VSNL1: variants seen among roughly 807,000 people sequenced by gnomAD.
VSNL1 encodes visinin-like protein 1.
VSNL1 carries 6 observed loss-of-function variants against 20.4 expected under a neutral mutation model. That is an observed-to-expected ratio of 0.29 (90% CI 0.16 to 0.58). The LOEUF is 0.58. Ranked by LOEUF, VSNL1 falls within the 20% of genes least tolerant of loss-of-function variation. VSNL1 has a pLI of 0.90. For synonymous variants in VSNL1, 93 were observed against 86.4 expected (o/e 1.08, Z -0.42); for missense variants, 100 against 234.5 (o/e 0.43, Z 3.75).
At chr2:17,636,037 C>T (rs552005369) in intron 2 of VSNL1, among the ~76,000 whole-genome samples, 5 of 145,828 alleles carry the variant, frequency 3.4e-5, no homozygotes, top group African/African-American at 7.6e-5. Context: ...GGGGTGGGGG[C>T]GGGTGTCAGG....
At chr2:17,559,532 A>G (rs1270442362) in intron 1 of VSNL1, among the ~76,000 whole-genome samples, 1 of 152,082 alleles carries the variant, frequency 6.6e-6, no homozygotes, top group Non-Finnish European at 1.5e-5. Flanking sequence ...CTTCGCTTCT[A>G]GCTTTTCATC....
chr2:17,639,447 A>G (rs1036636469), intron 2 of VSNL1, among the ~76,000 whole-genome samples: 4 of 152,144 alleles, frequency 2.6e-5, no homozygotes, highest in African/African-American at 9.7e-5. Flanking sequence ...GCCTTTCTGC[A>G]TCTCTCTGAG....
At chr2:17,574,416 C>T (rs1341025302) in intron 1 of VSNL1, among the ~76,000 whole-genome samples, 1 of 152,178 alleles carries the variant, frequency 6.6e-6, no homozygotes, top group African/African-American at 2.4e-5. Context: ...TGTCTGCCCC[C>T]TAATATTTTA....
intron 2 of VSNL1, among the ~76,000 whole-genome samples, chr2:17,608,926 G>C (rs1258392664): frequency 6.6e-6 from 1 of 152,152 alleles, no homozygotes; most frequent in Non-Finnish European, 1.5e-5. Flanking sequence ...ACTTGCAATG[G>C]AGGAGATATA....
At chr2:17,604,500 C>T (rs998656077) in intron 2 of VSNL1, among the ~76,000 whole-genome samples, 4 of 152,236 alleles carry the variant, frequency 2.6e-5, no homozygotes, top group Non-Finnish European at 4.4e-5. Flanking sequence ...GGAGGCCCTT[C>T]CTTGGCCTTT....
intron 1 of VSNL1, among the ~76,000 whole-genome samples, chr2:17,543,691 C>A (rs557355494): frequency 6.6e-6 from 1 of 152,178 alleles, no homozygotes; most frequent in African/African-American, 2.4e-5. Context: ...TCCTTTAAAG[C>A]TTTTAAAGCA....
chr2:17,564,889 T>C (rs1232068457), intron 1 of VSNL1, among the ~76,000 whole-genome samples: 1 of 152,198 alleles, frequency 6.6e-6, no homozygotes, highest in Non-Finnish European at 1.5e-5. Flanking sequence ...TTACGGAAAT[T>C]AACCTGAATT....
chr2:17,554,578 A>G (rs1327898530), intron 1 of VSNL1, among the ~76,000 whole-genome samples: 1 of 152,046 alleles, frequency 6.6e-6, no homozygotes, highest in East Asian at 1.9e-4. Flanking sequence ...CATTTAACAA[A>G]ACTCTAACAA....
intron 2 of VSNL1, among the ~76,000 whole-genome samples, chr2:17,598,778 A>G (rs1306637813): frequency 1.3e-5 from 2 of 152,248 alleles, no homozygotes; most frequent in East Asian, 1.9e-4. Context: ...TCTAGGTTCC[A>G]TAACAGTGGT....
intron 1 of VSNL1, among the ~76,000 whole-genome samples, chr2:17,555,582 C>T (rs1039300870): frequency 6.6e-6 from 1 of 152,136 alleles, no homozygotes; most frequent in Non-Finnish European, 1.5e-5. Context: ...CTTTGAATTT[C>T]TCAAAATTCT....
At chr2:17,548,941 T>TGTTCA (rs1663462261) in intron 1 of VSNL1, among the ~76,000 whole-genome samples, 2 of 152,194 alleles carry the variant, frequency 1.3e-5, no homozygotes, top group African/African-American at 4.8e-5. Flanking sequence ...TAGTGACTAA[T>TGTTCA]GTTCAGTTGA....
At chr2:17,650,945 A>G (rs1329827336) in intron 3 of VSNL1, among the ~76,000 whole-genome samples, 2 of 152,198 alleles carry the variant, frequency 1.3e-5, no homozygotes, top group Admixed American at 6.5e-5. Context: ...AATTGAATAT[A>G]TATTTTTTCC....
chr2:17,617,681 G>C (rs1385033174), intron 2 of VSNL1, among the ~76,000 whole-genome samples: 1 of 152,098 alleles, frequency 6.6e-6, no homozygotes, highest in African/African-American at 2.4e-5. Context: ...AGAGCTGGGT[G>C]GTGACCGCAT....
chr2:17,592,146 G>A lies in VSNL1; in HGVS notation c.72G>A (p.Glu24=), dbSNP rs766786557. 1.2e-6 allele frequency: 2 copies of A among 1,613,932 alleles called. No individual in the cohort carries two copies. Among genetic ancestry groups the A allele is most frequent in the Non-Finnish European group, 1.7e-6 (2 of 1,179,848 alleles). ...EDLVKSTEFN[E]HELKQWYKGF... ...TGGTGAAGAGCACAGAGTTTAATGA[G>A]CATGAACTCAAGCAGTGGTACAAAG... The change falls in exon 2 of 4, where the codon GAG becomes GAA. Residue 24 remains glutamate (E), a synonymous_variant. Transcript: ENST00000295156.
chr2:17,627,094 C>G (rs556470849), intron 2 of VSNL1, among the ~76,000 whole-genome samples: 1 of 152,368 alleles, frequency 6.6e-6, no homozygotes, highest in East Asian at 1.9e-4. Flanking sequence ...AAATGCAAAT[C>G]CACGCCAAGG....
intron 2 of VSNL1, among the ~76,000 whole-genome samples, chr2:17,613,856 G>C (rs531328450): frequency 6.6e-6 from 1 of 152,328 alleles, no homozygotes; most frequent in South Asian, 2.1e-4. Flanking sequence ...TGCATGTAGG[G>C]AGATCAATAA....
intron 1 of VSNL1, among the ~76,000 whole-genome samples, chr2:17,591,472 G>A (rs1241288543): frequency 1.3e-5 from 2 of 152,194 alleles, no homozygotes; most frequent in Non-Finnish European, 2.9e-5. Flanking sequence ...TGAAGACAAT[G>A]TTGTACGAAC....
intron 1 of VSNL1, among the ~76,000 whole-genome samples, chr2:17,555,944 CA>C (rs1259990182): frequency 1.3e-5 from 2 of 152,064 alleles, no homozygotes; most frequent in Non-Finnish European, 2.9e-5. Flanking sequence ...TATCTTTTTT[CA>C]AGAAGCTAAT....
intron 2 of VSNL1, among the ~76,000 whole-genome samples, chr2:17,601,203 T>A (rs940278642): frequency 1.4e-4 from 22 of 152,164 alleles, no homozygotes; most frequent in African/African-American, 5.1e-4. Context: ...AGTCTCTCAG[T>A]CCACTCCCTC....
Sources: gnomAD v4.1 joint callset for allele counts (sites outside exome capture counted in the v4.1 genomes callset) on GRCh38, gnomAD v4.1.1 for gene constraint, MANE v1.5 for transcripts, NCBI Gene and HGNC (gene_info 2026-07-23, HGNC 2026-07-21) for gene names.